The following RAD18 variants were observed in gnomAD, a reference collection of about 807,000 sequenced individuals.
RAD18 encodes the protein E3 ubiquitin-protein ligase RAD18.
A neutral mutation model predicts 60.4 loss-of-function variants in RAD18; 47 were observed. That is an observed-to-expected ratio of 0.78 (90% CI 0.62 to 0.99). The LOEUF is 0.99. Among genes scored for constraint, RAD18 ranks in the 50% least tolerant of loss-of-function variants. The probability of loss-of-function intolerance (pLI) is 0.00; values close to 1 mark genes in which losing one functional copy is unlikely to be tolerated. For missense variants in RAD18, 640 were observed against 593.3 expected (o/e 1.08, Z -0.82); for synonymous variants, 225 against 195.5 (o/e 1.15, Z -1.26).
intron 7 of RAD18, among the ~76,000 whole-genome samples, chr3:8,919,664 T>C (rs1405205008): frequency 6.6e-6 from 1 of 152,254 alleles, no homozygotes; most frequent in Non-Finnish European, 1.5e-5. Flanking sequence ...TCTGCTCAAA[T>C]AGCCTAGAAG....
intron 7 of RAD18, among the ~76,000 whole-genome samples, chr3:8,934,006 T>C (rs1273045005): frequency 6.6e-6 from 1 of 152,188 alleles, no homozygotes; most frequent in African/African-American, 2.4e-5. Flanking sequence ...AATTAGCTGA[T>C]TCTCAGCCAA....
At chr3:8,951,923 C>A (rs962071280) in intron 2 of RAD18, among the ~76,000 whole-genome samples, 1 of 152,184 alleles carries the variant, frequency 6.6e-6, no homozygotes, top group African/African-American at 2.4e-5. Context: ...CTGCTCACTG[C>A]GTCCTCCCAT....
At chr3:8,897,132 C>T (rs947870978) in intron 11 of RAD18, among the ~76,000 whole-genome samples, 1 of 151,920 alleles carries the variant, frequency 6.6e-6, no homozygotes, top group Non-Finnish European at 1.5e-5. Context: ...TTTTAATTAG[C>T]AAAATATCCA....
intron 11 of RAD18, among the ~76,000 whole-genome samples, chr3:8,895,633 C>T (rs950212263): frequency 1.5e-5 from 2 of 137,192 alleles, no homozygotes. Context: ...ACAGTACTTG[C>T]TCTCTTTTTT....
chr3:8,951,904 G>A (rs1940931400), intron 2 of RAD18, among the ~76,000 whole-genome samples: 1 of 152,220 alleles, frequency 6.6e-6, no homozygotes, highest in African/African-American at 2.4e-5. Context: ...CTGGCCTATA[G>A]ACAACCACCT....
At chr3:8,962,766 C>T (rs9880051) in intron 1 of RAD18, among the ~76,000 whole-genome samples, 5,206 of 152,260 alleles carry the variant, frequency 0.034, 276 homozygotes, top group East Asian at 0.21. Flanking sequence ...CAGCGCTGAG[C>T]CTGAGTCCTG....
chr3:8,963,239 CTCATCCT>C (rs1941119022), intron 1 of RAD18, 89 bp downstream of exon 1: 1 of 1,365,506 alleles, frequency 7.3e-7, no homozygotes, highest in East Asian at 2.7e-5. Flanking sequence ...ACGCTCGCGC[CTCATCCT>C]TTCTCCTTAA....
chr3:8,884,450 T>C (rs1939523057), intron 12 of RAD18, among the ~76,000 whole-genome samples: 1 of 152,332 alleles, frequency 6.6e-6, no homozygotes, highest in East Asian at 1.9e-4. Context: ...TTAAAATCTC[T>C]CAACTTTCAC....
chr3:8,906,956 T>A (rs1249763284), intron 9 of RAD18, among the ~76,000 whole-genome samples: 1 of 152,238 alleles, frequency 6.6e-6, no homozygotes, highest in East Asian at 1.9e-4. Context: ...CCAAGGGCTT[T>A]GTTACTGATT....
intron 7 of RAD18, among the ~76,000 whole-genome samples, chr3:8,915,754 T>C (rs1003329315): frequency 6.6e-6 from 1 of 151,982 alleles, no homozygotes; most frequent in Admixed American, 6.5e-5. Context: ...CAGCTAATTT[T>C]CTGTATTTTT....
At chr3:8,922,151 G>A (rs566897520) in intron 7 of RAD18, among the ~76,000 whole-genome samples, 47 of 152,310 alleles carry the variant, frequency 3.1e-4, no homozygotes, top group Admixed American at 5.9e-4. Context: ...TCGCCTCACC[G>A]GGGAAGCACA....
intron 12 of RAD18, among the ~76,000 whole-genome samples, chr3:8,887,520 G>A (rs963210897): frequency 1.6e-4 from 25 of 152,276 alleles, no homozygotes; most frequent in African/African-American, 5.8e-4. Flanking sequence ...TTTTCATTCT[G>A]TTCAATGTAA....
At chr3:8,890,112 A>G (rs2125046771) in intron 12 of RAD18, 1 of 420,686 alleles carries the variant, frequency 2.4e-6, no homozygotes, top group East Asian at 4.5e-5. Context: ...ACGTATCCCC[A>G]TTGTTAAGTG....
At chr3:8,943,651 A>G (rs995256021) in intron 4 of RAD18, among the ~76,000 whole-genome samples, 1 of 149,244 alleles carries the variant, frequency 6.7e-6, no homozygotes, top group Non-Finnish European at 1.5e-5. Context: ...AATCTGATAG[A>G]AAAAAAAAAT....
At chr3:8,924,570 C>T (rs2125060442) in intron 7 of RAD18, among the ~76,000 whole-genome samples, 1 of 138,868 alleles carries the variant, frequency 7.2e-6, no homozygotes, top group East Asian at 2.0e-4. Flanking sequence ...ACCTAATAGA[C>T]ATCTACAGAA....
At chr3:8,915,002 AG>A (rs1266232828) in intron 7 of RAD18, among the ~76,000 whole-genome samples, 6 of 151,780 alleles carry the variant, frequency 4.0e-5, no homozygotes, top group Non-Finnish European at 7.4e-5. Context: ...TTTTAAAATT[AG>A]CCGGGTGTGG....
At chr3:8,947,354 T>C in intron 3 of RAD18, 64 bp from the exon 4 acceptor site, 1 of 1,358,796 alleles carries the variant, frequency 7.4e-7, no homozygotes. Flanking sequence ...CATAATCTTG[T>C]TTTTGAAAAT....
chr3:8,958,987 CA>C lies in RAD18; in HGVS notation c.65del (p.Leu22CysfsTer15). The C allele has an allele frequency of 6.2e-7, 1 of 1,613,496 alleles. No homozygotes were observed. The highest frequency in any genetic ancestry group is 8.5e-7 in the Non-Finnish European group (1 of 1,179,576). ...ACTCGAAGCAAATTCCACACCGCAGCAAATCATCTATTGTCTGAAATGCAAA... is the reference window on the plus strand; with the variant it reads ...ACTCGAAGCAAATTCCACACCGCAGCAATCATCTATTGTCTGAAATGCAAA... ...GLAVMKTIDD[L>X]LRCGICFEYF... On this transcript the variant is annotated frameshift_variant, in exon 2 of 13. Transcript: ENST00000264926. LOFTEE classifies it high-confidence loss of function.
rs1303389558 is a variant in RAD18 at position 8,936,031 on chromosome 3, C to T, written c.729G>A (p.Leu243=). 1 of 1,594,994 alleles carries T rather than the reference C, an allele frequency of 6.3e-7. No individual in the cohort carries two copies. The highest frequency in any genetic ancestry group is 8.5e-7 in the Non-Finnish European group (1 of 1,172,444). ...AGAGCAAATTATATACAGTTTTGGG[C>T]AGCGGCTTCCTTTTGTGAACAGAAC... ...LRSSVHKRKP[L]PKTVYNLLSD... is the part of the protein sequence containing the mutation. Residue 243 remains leucine, a synonymous_variant, in exon 7 of 13, where the codon CTG becomes CTA. Coordinates refer to ENST00000264926, the MANE Select transcript of RAD18 (RefSeq NM_020165.4).
Sources: gnomAD v4.1 joint callset for allele counts (sites outside exome capture counted in the v4.1 genomes callset) on GRCh38, gnomAD v4.1.1 for gene constraint, MANE v1.5 for transcripts, NCBI Gene and HGNC (gene_info 2026-07-23, HGNC 2026-07-21) for gene names.